CASK: variants seen among roughly 807,000 people sequenced by gnomAD.
CASK encodes the protein calcium/calmodulin dependent serine protein kinase, also known as peripheral plasma membrane protein CASK.
Under a neutral mutation model 82.9 loss-of-function variants are expected in CASK, and 4 were observed. The observed-to-expected ratio is 0.05, with a 90% confidence interval of 0.02 to 0.11. The LOEUF (loss-of-function observed/expected upper bound fraction) is 0.11. CASK is among the 10% of genes least tolerant of loss of function. CASK has a pLI of 1.00. For missense variants in CASK, 358 were observed against 720.9 expected (o/e 0.50, Z 5.76); for synonymous variants, 259 against 253.5 (o/e 1.02, Z -0.20).
At chrX:41,644,079 T>C (rs914767918) in intron 8 of CASK, among the ~76,000 whole-genome samples, 5 of 112,224 alleles carry the variant, frequency 4.5e-5, no homozygotes, top group African/African-American at 1.6e-4. Flanking sequence ...ATTATGTTTA[T>C]TGATTTGCAT....
chrX:41,774,568 C>T (rs1325979873), intron 3 of CASK, among the ~76,000 whole-genome samples: 1 of 111,301 alleles, frequency 9.0e-6, no homozygotes, highest in Non-Finnish European at 1.9e-5. Context: ...AAAGAGCCCG[C>T]ATTGCCAAGT....
intron 6 of CASK, among the ~76,000 whole-genome samples, chrX:41,669,959 G>A (rs761784106): frequency 4.5e-5 from 5 of 111,908 alleles, no homozygotes; most frequent in African/African-American, 1.6e-4. Context: ...ACAGATGAAC[G>A]GTTATCATAC....
rs147713774 is a variant in CASK at position 41,851,106 on chromosome X, C to T, written c.172+2009G>A. On this transcript the variant is annotated intron_variant, in intron 2 of 26. Transcript: ENST00000378163. ...TTTTCACTTGAATACCACTAAACTC[C>T]GACCAAAATCAGATAAAGTCATGAG... Among the ~76,000 whole-genome samples, 919 of 111,746 alleles carry T rather than the reference C, an allele frequency of 8.2e-3. 9 individuals carry two copies. Among genetic ancestry groups the T allele is most frequent in the Middle Eastern group, 0.028 (6 of 216 alleles).
intron 8 of CASK, among the ~76,000 whole-genome samples, chrX:41,641,623 ACT>A (rs2066655711): frequency 9.0e-6 from 1 of 111,608 alleles, no homozygotes; most frequent in African/African-American, 3.3e-5. Flanking sequence ...TTGGTCTAAC[ACT>A]CAAATTCTTT....
chrX:41,668,310 TCCAGAACAGTAGGAGTTAA>T (rs2067146363), intron 6 of CASK, among the ~76,000 whole-genome samples: 1 of 111,708 alleles, frequency 9.0e-6, no homozygotes, highest in Non-Finnish European at 1.9e-5. Context: ...AGCTCAGCCT[TCCAGAACAGTAGGAGTTAA>T]CCAGATAGAT....
At chrX:41,606,018 G>A (rs893965633) in intron 12 of CASK, among the ~76,000 whole-genome samples, 5 of 111,615 alleles carry the variant, frequency 4.5e-5, no homozygotes, top group South Asian at 7.6e-4. Flanking sequence ...TCAAGAGTTC[G>A]TCATAGCCAT....
chrX:41,689,729 C>T (rs1269211726), intron 5 of CASK: 1 of 112,241 alleles, frequency 8.9e-6, no homozygotes, highest in African/African-American at 3.2e-5. Flanking sequence ...TTTCAATTTT[C>T]ATTTTTTATA....
intron 10 of CASK, among the ~76,000 whole-genome samples, chrX:41,625,779 AT>A (rs1209297591): frequency 1.1e-4 from 11 of 104,628 alleles, no homozygotes; most frequent in Non-Finnish European, 1.6e-4. Context: ...TGTGTTACAG[AT>A]TTTTTTTTTC....
At chrX:41,639,827 T>A (rs1356587377) in intron 8 of CASK, among the ~76,000 whole-genome samples, 1 of 111,863 alleles carries the variant, frequency 8.9e-6, no homozygotes, top group Non-Finnish European at 1.9e-5. Context: ...AATTGAATCA[T>A]ATAGTATGTG....
In CASK at chrX:41,755,839, A is replaced by G. The variant is rs1018525777; in HGVS notation, c.279-10238T>C. ...AGAAATAAATCTAAAAGAAAGGTATATAAGATCTCTGTGGAGAAAAGTATG... is the reference window on the plus strand; with the variant it reads ...AGAAATAAATCTAAAAGAAAGGTATGTAAGATCTCTGTGGAGAAAAGTATG... On this transcript the variant is annotated intron_variant, in intron 3 of 26. Coordinates refer to ENST00000378163, the MANE Select transcript of CASK (RefSeq NM_001367721.1). 2.7e-5 allele frequency among the ~76,000 whole-genome samples: 3 copies of G among 112,405 alleles called. No individual in the cohort carries two copies. The Admixed American group carries it at 2.8e-4, about 11-fold the overall frequency.
At chrX:41,873,081 A>G (rs2071733862) in intron 1 of CASK, among the ~76,000 whole-genome samples, 1 of 111,191 alleles carries the variant, frequency 9.0e-6, no homozygotes, top group South Asian at 3.8e-4. Flanking sequence ...TGTCATTTGA[A>G]TATTACCTAA....
chrX:41,668,255 T>A (rs1376998826), intron 6 of CASK, among the ~76,000 whole-genome samples: 1 of 111,555 alleles, frequency 9.0e-6, no homozygotes, highest in Non-Finnish European at 1.9e-5. Flanking sequence ...GCTATCCAAC[T>A]CGGGATGGTG....
intron 3 of CASK, among the ~76,000 whole-genome samples, chrX:41,786,325 T>C (rs1479174620): frequency 9.0e-6 from 1 of 111,164 alleles, no homozygotes; most frequent in Non-Finnish European, 1.9e-5. Flanking sequence ...CTGACCTTGG[T>C]ATCTTTTGAA....
chrX:41,637,378 C>CTTTTTTTTTT (rs758261036), intron 8 of CASK, among the ~76,000 whole-genome samples: 1 of 36,877 alleles, frequency 2.7e-5, no homozygotes, highest in Non-Finnish European at 4.4e-5. Context: ...TTAGGACACG[C>CTTTTTTTTTT]TTTTTTTTTT....
chrX:41,566,458 CA>C (rs1338096995), intron 16 of CASK, among the ~76,000 whole-genome samples: 3 of 111,318 alleles, frequency 2.7e-5, no homozygotes, highest in African/African-American at 9.8e-5. Flanking sequence ...AATAGAGAGC[CA>C]AATCATGAGT....
At chrX:41,762,088 T>G (rs1335839525) in intron 3 of CASK, among the ~76,000 whole-genome samples, 1 of 111,961 alleles carries the variant, frequency 8.9e-6, no homozygotes, top group Non-Finnish European at 1.9e-5. Context: ...ATTTCACAGA[T>G]GAGGAAATTG....
At chrX:41,794,960 C>G (rs183753552) in intron 2 of CASK, among the ~76,000 whole-genome samples, 1 of 112,312 alleles carries the variant, frequency 8.9e-6, no homozygotes, top group Admixed American at 9.4e-5. Context: ...AATCTTCTTC[C>G]AGGATGGGGC....
intron 2 of CASK, among the ~76,000 whole-genome samples, chrX:41,826,265 T>G (rs182861571): frequency 2.6e-3 from 286 of 112,008 alleles, no homozygotes; most frequent in Non-Finnish European, 3.7e-3. Context: ...CAATAAAATA[T>G]AGTGGAAACA....
intron 5 of CASK, among the ~76,000 whole-genome samples, chrX:41,736,187 G>A (rs1212845697): frequency 8.9e-6 from 1 of 112,013 alleles, no homozygotes; most frequent in South Asian, 3.7e-4. Flanking sequence ...TGTGGATTTC[G>A]GCTTCTGAAA....
Sources: gnomAD v4.1 joint callset for allele counts (sites outside exome capture counted in the v4.1 genomes callset) on GRCh38, gnomAD v4.1.1 for gene constraint, MANE v1.5 for transcripts, NCBI Gene and HGNC (gene_info 2026-07-23, HGNC 2026-07-21) for gene names.